The following SSBP2 variants were observed in gnomAD, a reference collection of about 807,000 sequenced individuals.
The protein encoded by SSBP2 is single-stranded DNA-binding protein 2.
A neutral mutation model predicts 61.8 loss-of-function variants in SSBP2; 17 were observed. The observed-to-expected ratio is 0.28, with a 90% CI of 0.19 to 0.41. The LOEUF (loss-of-function observed/expected upper bound fraction) is 0.41, where lower values mean the gene tolerates loss of function less well. SSBP2 is among the 10% of genes least tolerant of loss of function. The pLI, the probability that SSBP2 is intolerant of heterozygous loss-of-function variation, is 1.00. For missense variants in SSBP2, 310 were observed against 458.7 expected (o/e 0.68, Z 2.96); for synonymous variants, 139 against 141.3 (o/e 0.98, Z 0.12).
intron 10 of SSBP2, among the ~76,000 whole-genome samples, chr5:81,459,414 C>T (rs1182691053): frequency 6.6e-6 from 1 of 152,160 alleles, no homozygotes; most frequent in South Asian, 2.1e-4. Context: ...AAAGAAGGTA[C>T]TTATAAAGGT....
chr5:81,689,867 T>A (rs987035257), intron 1 of SSBP2, among the ~76,000 whole-genome samples: 2 of 152,050 alleles, frequency 1.3e-5, no homozygotes, highest in Admixed American at 6.5e-5. Flanking sequence ...AACTAAAAGA[T>A]AAACTGATCA....
At chr5:81,521,974 T>A (rs967636864) in intron 4 of SSBP2, among the ~76,000 whole-genome samples, 1 of 152,048 alleles carries the variant, frequency 6.6e-6, no homozygotes, top group Non-Finnish European at 1.5e-5. Context: ...AGAAATCACA[T>A]TACATGTATA....
At chr5:81,661,606 T>C (rs1048655458) in intron 1 of SSBP2, among the ~76,000 whole-genome samples, 3 of 152,170 alleles carry the variant, frequency 2.0e-5, no homozygotes, top group Non-Finnish European at 1.5e-5. Flanking sequence ...TTAGTGACAC[T>C]GAGCATTTTT....
Position 81,506,014 on chromosome 5 carries a change from C to T in SSBP2, c.372+7614G>A, listed in dbSNP as rs141409642. On this transcript the variant is annotated intron_variant, in intron 5 of 16. Transcript: ENST00000320672. ...GTAGGGTCTTTAGTTGCCTGAATTG[C>T]AATTTTTAAAAAAGCTTACTTAGTT... Among the ~76,000 whole-genome samples, 344 of 152,202 alleles carry T rather than the reference C, an allele frequency of 2.3e-3. 2 individuals are homozygous for T. Among genetic ancestry groups the T allele is most frequent in the African/African-American group, 7.9e-3 (330 of 41,528 alleles).
rs1761450470 is a variant in SSBP2 at position 81,419,097 on chromosome 5, C to G, written c.*1407G>C. On this transcript the variant is annotated 3_prime_UTR_variant, in exon 17 of 17. Transcript: ENST00000320672. ...ATGTATGTATAATTAAGCACAAAAT[C>G]CCAAAAGATCTGGAAAGTGCCATAG... 6.6e-6 allele frequency: 1 copy of G among 152,090 alleles called. No individual in the cohort carries two copies. Among genetic ancestry groups the G allele is most frequent in the African/African-American group, 2.4e-5 (1 of 41,402 alleles). The allele number at this position is 152,090 out of a possible 1,614,324, so 9.4% of individuals were successfully genotyped here. A position where few individuals can be genotyped will look rare whatever the true frequency, so the allele number is the denominator to read the frequency against.
intron 2 of SSBP2, among the ~76,000 whole-genome samples, chr5:81,647,019 C>A (rs993822786): frequency 6.6e-6 from 1 of 152,098 alleles, no homozygotes; most frequent in Non-Finnish European, 1.5e-5. Flanking sequence ...TGTAATTTAA[C>A]CAACTGAAAT....
At chr5:81,643,990 T>C (rs1749048368) in intron 2 of SSBP2, among the ~76,000 whole-genome samples, 1 of 152,212 alleles carries the variant, frequency 6.6e-6, no homozygotes, top group Non-Finnish European at 1.5e-5. Flanking sequence ...GCAGATCATC[T>C]AAAACTGTGC....
At chr5:81,702,744 G>A (rs1754079662) in intron 1 of SSBP2, among the ~76,000 whole-genome samples, 1 of 152,112 alleles carries the variant, frequency 6.6e-6, no homozygotes, top group South Asian at 2.1e-4. Flanking sequence ...TTTATTTTAG[G>A]GGGATAAAAT....
intron 4 of SSBP2, among the ~76,000 whole-genome samples, chr5:81,541,475 G>GAA (rs141009529): frequency 1.9e-4 from 28 of 151,338 alleles, no homozygotes; most frequent in African/African-American, 4.1e-4. Context: ...AATCCTAAGT[G>GAA]AAAAAAAACA....
chr5:81,609,313 T>C (rs748661793), intron 4 of SSBP2, among the ~76,000 whole-genome samples: 1 of 152,184 alleles, frequency 6.6e-6, no homozygotes, highest in Admixed American at 6.5e-5. Flanking sequence ...TCCAACTTCA[T>C]CCAGTTTCTC....
chr5:81,644,602 A>C (rs1247062022), intron 2 of SSBP2, among the ~76,000 whole-genome samples: 1 of 152,204 alleles, frequency 6.6e-6, no homozygotes, highest in African/African-American at 2.4e-5. Flanking sequence ...ACAATGCCTA[A>C]TCTTTTTGGC....
chr5:81,559,168 A>C lies in SSBP2; in HGVS notation c.283-45451T>G, dbSNP rs1013949548. On this transcript the variant is annotated intron_variant, in intron 4 of 16. Transcript: ENST00000320672. Reference sequence around the variant, plus strand: ...TTTGAGAGGCCAAGGCAGGTGGATCATGAGGTCAGGAGTTCGAGACCAGCC... The same window carrying C: ...TTTGAGAGGCCAAGGCAGGTGGATCCTGAGGTCAGGAGTTCGAGACCAGCC... Among the ~76,000 whole-genome samples the C allele has an allele frequency of 4.1e-4, 62 of 152,060 alleles. 1 individual carries two copies. Among genetic ancestry groups the C allele is most frequent in the African/African-American group, 1.4e-3 (59 of 41,410 alleles).
At chr5:81,626,605 C>T (rs114967403) in intron 3 of SSBP2, among the ~76,000 whole-genome samples, 201 of 152,260 alleles carry the variant, frequency 1.3e-3, no homozygotes, top group Non-Finnish European at 2.2e-3. Flanking sequence ...GATATCTGTA[C>T]CAGATAAGAC....
intron 12 of SSBP2, among the ~76,000 whole-genome samples, chr5:81,445,176 A>ATATC (rs1188731137): frequency 1.3e-5 from 1 of 79,584 alleles, no homozygotes; most frequent in African/African-American, 5.8e-5. Context: ...ATATATATAT[A>ATATC]TGTATGTATT....
chr5:81,431,458 C>CAT (rs202176296), intron 15 of SSBP2, among the ~76,000 whole-genome samples: 12,062 of 151,934 alleles, frequency 0.079, 1,111 homozygotes, highest in African/African-American at 0.23. Flanking sequence ...TATTTATATA[C>CAT]ATATATATAT....
At chr5:81,663,067 T>C (rs1292879419) in intron 1 of SSBP2, among the ~76,000 whole-genome samples, 1 of 152,208 alleles carries the variant, frequency 6.6e-6, no homozygotes, top group African/African-American at 2.4e-5. Flanking sequence ...CTCAATTCTT[T>C]CTATGGTCTA....
intron 6 of SSBP2, among the ~76,000 whole-genome samples, chr5:81,484,635 G>A (rs1040623235): frequency 6.6e-6 from 1 of 151,930 alleles, no homozygotes; most frequent in Admixed American, 6.6e-5. Context: ...CAGCCAAAGA[G>A]GCTACTTTAT....
intron 4 of SSBP2, 82 bp from the exon 5 acceptor site, chr5:81,513,799 A>AAAGAGCATCC: frequency 1.2e-6 from 1 of 844,778 alleles, no homozygotes; most frequent in Non-Finnish European, 1.9e-6. Context: ...AGATTGCAGG[A>AAAGAGCATCC]CGGGATGCTC....
chr5:81,736,300 G>A (rs1343692747), intron 1 of SSBP2, among the ~76,000 whole-genome samples: 1 of 152,140 alleles, frequency 6.6e-6, no homozygotes, highest in African/African-American at 2.4e-5. Flanking sequence ...TTTCTGGCAG[G>A]GTTTACCTTG....
Sources: allele counts gnomAD v4.1 joint callset (sites outside exome capture counted in the v4.1 genomes callset), GRCh38; gene constraint gnomAD v4.1.1; transcripts MANE v1.5; gene names NCBI Gene and HGNC (gene_info 2026-07-23, HGNC 2026-07-21).